The following SLC14A2 variants were observed in gnomAD, a reference collection of about 807,000 sequenced individuals.
SLC14A2 encodes solute carrier family 14 member 2, also known as urea transporter 2.
A neutral mutation model predicts 104.6 loss-of-function variants in SLC14A2; 91 were observed. That is an observed-to-expected ratio of 0.87 (90% CI 0.73 to 1.04). SLC14A2 has a LOEUF of 1.04. Among genes scored for constraint, SLC14A2 ranks in the 50% least tolerant of loss-of-function variants. The pLI is 0.00. For synonymous variants in SLC14A2, 476 were observed against 466.4 expected (o/e 1.02, Z -0.27); for missense variants, 1,189 against 1,156.0 (o/e 1.03, Z -0.41).
rs775240457 is a variant in SLC14A2 at position 45,667,989 on chromosome 18, C to T, written c.1874C>T (p.Ser625Phe). 2 of 1,614,110 alleles carry T rather than the reference C, an allele frequency of 1.2e-6. No individual in the cohort carries two copies. The highest frequency in any genetic ancestry group is 1.7e-5 in the Admixed American group (1 of 60,020). Residue 625 changes from serine to phenylalanine, a missense_variant, in exon 14 of 20, where the codon TCC becomes TTC. By Grantham distance (155) the Ser-to-Phe change is radical. Transcript: ENST00000255226. ...TCAGGCTGCCTGGGTACCATCATGTCCACCTTGACAGCCCTCATCCTGAGT... is the reference window on the plus strand; with the variant it reads ...TCAGGCTGCCTGGGTACCATCATGTTCACCTTGACAGCCCTCATCCTGAGT... Reference protein sequence around the residue: ...AISGCLGTIMSTLTALILSQD... With the variant: ...AISGCLGTIMFTLTALILSQD...
chr18:45,680,426 C>T (rs1272296321), intron 19 of SLC14A2, among the ~76,000 whole-genome samples: 1 of 152,162 alleles, frequency 6.6e-6, no homozygotes, highest in Admixed American at 6.5e-5. Context: ...TTGTGTTGGC[C>T]ACTCTCCGGA....
the SLC14A2 span, among the ~76,000 whole-genome samples, chr18:45,173,653 T>A: frequency 6.6e-6 from 1 of 152,148 alleles, no homozygotes; most frequent in Non-Finnish European, 1.5e-5. Context: ...AGAACCTGAC[T>A]TGGAACTTGA....
chr18:45,458,845 C>A (rs1399916394), intron 1 of SLC14A2, among the ~76,000 whole-genome samples: 1 of 152,178 alleles, frequency 6.6e-6, no homozygotes, highest in Non-Finnish European at 1.5e-5. Context: ...GATGAAACTT[C>A]CTCAAGACTT....
intron 2 of SLC14A2, among the ~76,000 whole-genome samples, chr18:45,572,644 T>A (rs923546048): frequency 2.0e-5 from 3 of 152,248 alleles, no homozygotes; most frequent in African/African-American, 7.2e-5. Context: ...ATCTTTGAGA[T>A]GCAACCTTCT....
rs577158135 is a variant in SLC14A2, at chr18:45,290,756, TATTA to T, written c.-125+77569_-125+77572del. Among the ~76,000 whole-genome samples, 32 of 152,026 alleles carry T rather than the reference TATTA, an allele frequency of 2.1e-4. No homozygotes were observed. In the South Asian group the frequency reaches 6.5e-3, roughly 31 times the overall value. On this transcript the variant is annotated intron_variant, in intron 1 of 20. Transcript: ENST00000586448. ...TTTCGATATGTTTGGTTAAACAAAA[TATTA>T]ATTTCATCTGTTTATTTTTAGTTAT... is the stretch of plus-strand genomic sequence containing the variant.
intron 1 of SLC14A2, among the ~76,000 whole-genome samples, chr18:45,621,178 G>A (rs1445422116): frequency 6.6e-6 from 1 of 152,180 alleles, no homozygotes; most frequent in African/African-American, 2.4e-5. Flanking sequence ...AGAGCGCATT[G>A]GAGAGGAACA....
At chr18:45,417,341 T>C (rs1396080415) in intron 1 of SLC14A2, among the ~76,000 whole-genome samples, 1 of 152,180 alleles carries the variant, frequency 6.6e-6, no homozygotes, top group Non-Finnish European at 1.5e-5. Context: ...TTTGTATTTG[T>C]CCATTCTCAC....
chr18:45,524,284 C>T (rs2043559816), intron 2 of SLC14A2, among the ~76,000 whole-genome samples: 2 of 152,248 alleles, frequency 1.3e-5, no homozygotes, highest in African/African-American at 4.8e-5. Context: ...GCCCTCAACA[C>T]CTCAACAAGT....
intron 1 of SLC14A2, among the ~76,000 whole-genome samples, chr18:45,618,649 A>G (rs1042345423): frequency 3.6e-5 from 5 of 139,634 alleles, no homozygotes; most frequent in Non-Finnish European, 7.6e-5. Context: ...AAGCTGGGTG[A>G]CAAGAGCGAA....
chr18:45,266,516 C>A (rs1179082782), intron 1 of SLC14A2, among the ~76,000 whole-genome samples: 1 of 151,944 alleles, frequency 6.6e-6, no homozygotes, highest in Non-Finnish European at 1.5e-5. Context: ...AGTGCATGGC[C>A]TCTTCATAAT....
chr18:45,234,778 A>G (rs1353309048), intron 1 of SLC14A2, among the ~76,000 whole-genome samples: 1 of 152,202 alleles, frequency 6.6e-6, no homozygotes, highest in Non-Finnish European at 1.5e-5. Flanking sequence ...TTCTAGAACC[A>G]AACTCTATTT....
chr18:45,508,936 G>T (rs1036570515), intron 2 of SLC14A2, among the ~76,000 whole-genome samples: 2 of 152,166 alleles, frequency 1.3e-5, no homozygotes, highest in African/African-American at 4.8e-5. Flanking sequence ...TGACCTTTGA[G>T]TTGATTTCAT....
chr18:45,589,679 G>A (rs530555440), intron 2 of SLC14A2, among the ~76,000 whole-genome samples: 83 of 152,282 alleles, frequency 5.5e-4, no homozygotes, highest in Admixed American at 9.1e-4. Context: ...CTCCAGCTGC[G>A]AGTGTCTGGT....
chr18:45,610,389 C>G (rs1329667531), intron 2 of SLC14A2, among the ~76,000 whole-genome samples: 2 of 152,180 alleles, frequency 1.3e-5, no homozygotes, highest in Admixed American at 1.3e-4. Flanking sequence ...ACCTAGGGAG[C>G]TTTTAAAAAT....
intron 3 of SLC14A2, among the ~76,000 whole-genome samples, chr18:45,626,339 G>T (rs143457570): frequency 5.3e-5 from 8 of 152,228 alleles, no homozygotes; most frequent in Non-Finnish European, 1.0e-4. Flanking sequence ...AACACTGAAA[G>T]GAATGCCACA....
chr18:45,657,128 C>T (rs573472167), intron 10 of SLC14A2, among the ~76,000 whole-genome samples: 8 of 152,162 alleles, frequency 5.3e-5, no homozygotes, highest in Non-Finnish European at 1.0e-4. Flanking sequence ...GAAATAGATT[C>T]GAGAATACCT....
At chr18:45,630,421 A>G (rs528605878) in intron 4 of SLC14A2, among the ~76,000 whole-genome samples, 2 of 152,012 alleles carry the variant, frequency 1.3e-5, no homozygotes, top group African/African-American at 2.4e-5. Flanking sequence ...GCCTAAGACT[A>G]TACTTTACAG....
chr18:45,415,962 C>T (rs144857620), intron 1 of SLC14A2, among the ~76,000 whole-genome samples: 5 of 152,226 alleles, frequency 3.3e-5, no homozygotes, highest in East Asian at 1.9e-4. Flanking sequence ...TTGCTAACTG[C>T]GCCAAGGGAA....
At chr18:45,523,083 T>C (rs2144813001) in intron 2 of SLC14A2, among the ~76,000 whole-genome samples, 1 of 152,264 alleles carries the variant, frequency 6.6e-6, no homozygotes, top group South Asian at 2.1e-4. Flanking sequence ...TGGTCACTGG[T>C]GGGGTGTGGG....
Sources: allele counts gnomAD v4.1 joint callset (sites outside exome capture counted in the v4.1 genomes callset), GRCh38; gene constraint gnomAD v4.1.1; transcripts MANE v1.5; gene names NCBI Gene and HGNC (gene_info 2026-07-23, HGNC 2026-07-21).